The following PGM2L1 variants were observed in gnomAD, a reference collection of about 807,000 sequenced individuals.
PGM2L1 encodes the protein phosphoglucomutase 2 like 1, also known as glucose 1,6-bisphosphate synthase.
A neutral mutation model predicts 73.4 loss-of-function variants in PGM2L1; 35 were observed. That is an observed-to-expected ratio of 0.48 (90% CI 0.36 to 0.63). PGM2L1 has a LOEUF of 0.63. PGM2L1 is among the 30% of genes least tolerant of loss of function. The probability of loss-of-function intolerance (pLI) is 0.00; values close to 1 mark genes in which losing one functional copy is unlikely to be tolerated. For missense variants in PGM2L1, 570 were observed against 742.0 expected (o/e 0.77, Z 2.69); for synonymous variants, 225 against 253.8 (o/e 0.89, Z 1.08).
At chr11:74,390,146 A>T (rs1421382676) in intron 1 of PGM2L1, among the ~76,000 whole-genome samples, 3 of 129,730 alleles carry the variant, frequency 2.3e-5, no homozygotes, top group African/African-American at 8.9e-5. Context: ...ACTTGAAGGA[A>T]GTAAACAAAC....
chr11:74,343,100 A>G (rs1205997290), intron 10 of PGM2L1, 86 bp from the exon 11 acceptor site: 3 of 1,467,172 alleles, frequency 2.0e-6, no homozygotes, highest in African/African-American at 1.4e-5. Context: ...AGGACCAGGA[A>G]ATTTAAAAGC....
chr11:74,340,015 C>T (rs80178635), intron 12 of PGM2L1, among the ~76,000 whole-genome samples: 3,886 of 152,282 alleles, frequency 0.026, 169 homozygotes, highest in African/African-American at 0.089. Flanking sequence ...TTGTCAATTT[C>T]CCCACTAGAC....
chr11:74,351,972 ATAAAT>A (rs1204919774), intron 5 of PGM2L1, among the ~76,000 whole-genome samples: 5 of 142,384 alleles, frequency 3.5e-5, no homozygotes, highest in African/African-American at 1.3e-4. Context: ...AAAAAAAAAA[ATAAAT>A]AAAAATAAAA....
chr11:74,351,269 T>C, intron 6 of PGM2L1, 114 bp downstream of exon 6: 2 of 1,006,210 alleles, frequency 2.0e-6, no homozygotes, highest in Non-Finnish European at 2.9e-6. Flanking sequence ...TTATGAGTAC[T>C]ATTTAGCTAT....
rs1301520047 is a variant in PGM2L1 at position 74,380,531 on chromosome 11, A to G, written c.112-5949T>C. Among the ~76,000 whole-genome samples, 5 of 152,308 alleles carry G rather than the reference A, an allele frequency of 3.3e-5. No homozygotes were observed. In the East Asian group the frequency reaches 9.6e-4, roughly 29 times the overall value. On this transcript the variant is annotated intron_variant, in intron 1 of 13. Coordinates refer to ENST00000298198, the MANE Select transcript of PGM2L1 (RefSeq NM_173582.6). ...GAATAATTGCTTAATAAACACAAAA[A>G]TCATATCCATGAAATGAAGTACTAA...
At position 74,333,329 on chromosome 11, in the gene PGM2L1, A is replaced by G. The variant is rs903092526; in HGVS notation, c.*3323T>C. Reference sequence around the variant, plus strand: ...GTCTTCACTAGAGATGGAGAACACTATGGCATAGTATTTCTTACTTTGAAC... The same window carrying G: ...GTCTTCACTAGAGATGGAGAACACTGTGGCATAGTATTTCTTACTTTGAAC... On this transcript the variant is annotated 3_prime_UTR_variant, in exon 14 of 14. Transcript: ENST00000298198. 4 of 152,214 alleles carry G rather than the reference A, an allele frequency of 2.6e-5. No homozygotes were observed. Among genetic ancestry groups the G allele is most frequent in the Admixed American group, 2.0e-4 (3 of 15,282 alleles). 9.4% of individuals were successfully genotyped at this position (152,214 alleles called of 1,614,324 possible). A position where few individuals can be genotyped will look rare whatever the true frequency, so the allele number is the denominator to read the frequency against.
intron 9 of PGM2L1, 111 bp downstream of exon 9, chr11:74,345,358 A>G (rs1297347666): frequency 9.4e-7 from 1 of 1,068,090 alleles, no homozygotes; most frequent in Non-Finnish European, 1.3e-6. Flanking sequence ...AGAATTAGAA[A>G]AATAAGGGAA....
chr11:74,361,455 G>A (rs1006291734), intron 5 of PGM2L1, among the ~76,000 whole-genome samples: 11 of 152,166 alleles, frequency 7.2e-5, no homozygotes, highest in Non-Finnish European at 1.2e-4. Context: ...GGAAAAAACA[G>A]AGCAGAAAAG....
chr11:74,342,221 C>G (rs1314945945), intron 12 of PGM2L1, among the ~76,000 whole-genome samples: 3 of 152,098 alleles, frequency 2.0e-5, no homozygotes, highest in Admixed American at 6.5e-5. Flanking sequence ...TTTACAGGAG[C>G]TTCCAGCTTG....
intron 12 of PGM2L1, 117 bp downstream of exon 12, chr11:74,342,344 G>A: frequency 1.3e-6 from 1 of 797,874 alleles, no homozygotes; most frequent in Non-Finnish European, 1.8e-6. Flanking sequence ...ATAATAAACT[G>A]GTAAACATGA....
chr11:74,361,133 C>T (rs1417294769), intron 5 of PGM2L1, among the ~76,000 whole-genome samples: 4 of 152,156 alleles, frequency 2.6e-5, no homozygotes, highest in Non-Finnish European at 5.9e-5. Context: ...AGTAGTGCAA[C>T]TGGGAGGCAC....
intron 8 of PGM2L1, 83 bp downstream of exon 8, chr11:74,346,649 A>G: frequency 9.5e-7 from 1 of 1,049,606 alleles, no homozygotes; most frequent in East Asian, 2.4e-5. Flanking sequence ...TTATCTTTTC[A>G]TTATTTTCAA....
chr11:74,351,314 C>T, intron 6 of PGM2L1, 69 bp downstream of exon 6: 1 of 1,395,860 alleles, frequency 7.2e-7, no homozygotes, highest in Non-Finnish European at 9.8e-7. Flanking sequence ...CACTTTTTAT[C>T]ACTTTTTATT....
intron 5 of PGM2L1, among the ~76,000 whole-genome samples, chr11:74,359,700 T>C (rs566744477): frequency 2.6e-5 from 4 of 152,268 alleles, no homozygotes; most frequent in Admixed American, 2.6e-4. Context: ...TATAGTACCC[T>C]ACCATTTATG....
intron 5 of PGM2L1, chr11:74,355,177 A>G (rs1441620545): frequency 7.7e-6 from 11 of 1,424,910 alleles, no homozygotes; most frequent in South Asian, 2.3e-5. Context: ...GGGGATGGCT[A>G]TAACAGATTT....
chr11:74,380,000 T>G (rs1862914712), intron 1 of PGM2L1, among the ~76,000 whole-genome samples: 1 of 152,176 alleles, frequency 6.6e-6, no homozygotes, highest in African/African-American at 2.4e-5. Context: ...TCTTAAGAAC[T>G]CAAATACTTC....
chr11:74,349,564 A>G (rs149752067), intron 6 of PGM2L1, among the ~76,000 whole-genome samples: 3 of 152,284 alleles, frequency 2.0e-5, no homozygotes, highest in Admixed American at 6.5e-5. Flanking sequence ...CTTGATAAGA[A>G]TCAATTTCTC....
chr11:74,380,939 TAGA>T lies in PGM2L1; in HGVS notation c.112-6360_112-6358del, dbSNP rs1862933747. On this transcript the variant is annotated intron_variant, in intron 1 of 13. Coordinates refer to ENST00000298198, the MANE Select transcript of PGM2L1 (RefSeq NM_173582.6). ...GAGAAAGATCACTGAACTATAATTC[TAGA>T]AGGTTTGGCCCTGATCTTGAGTCAG... Among the ~76,000 whole-genome samples, 3 of 152,206 alleles carry T rather than the reference TAGA, an allele frequency of 2.0e-5. No homozygotes were observed. The South Asian group carries it at 6.2e-4, about 31-fold the overall frequency.
At chr11:74,365,042 G>A (rs1449781442) in intron 5 of PGM2L1, among the ~76,000 whole-genome samples, 3 of 151,344 alleles carry the variant, frequency 2.0e-5, no homozygotes, top group East Asian at 3.9e-4. Flanking sequence ...ACAGAACAGA[G>A]CTCTCAGAAA....
Sources: allele counts gnomAD v4.1 joint callset (sites outside exome capture counted in the v4.1 genomes callset), GRCh38; gene constraint gnomAD v4.1.1; transcripts MANE v1.5; gene names NCBI Gene and HGNC (gene_info 2026-07-23, HGNC 2026-07-21).